Variants in GALNT10 observed in about 807,000 individuals in gnomAD.
GALNT10 encodes the protein GalNAc transferase 10.
GALNT10 carries 41 observed loss-of-function variants against 75.0 expected under a neutral mutation model. That is an observed-to-expected ratio of 0.55 (90% CI 0.43 to 0.71). GALNT10 has a LOEUF of 0.71. Among genes scored for constraint, GALNT10 ranks in the 30% least tolerant of loss-of-function variants. GALNT10 has a pLI of 0.00. For synonymous variants in GALNT10, 302 were observed against 313.0 expected (o/e 0.96, Z 0.37); for missense variants, 727 against 818.5 (o/e 0.89, Z 1.36).
chr5:154,295,061 G>A (rs1289485028), intron 2 of GALNT10, 143 bp downstream of exon 2: 7 of 483,820 alleles, frequency 1.4e-5, no homozygotes, highest in Non-Finnish European at 2.3e-5. Context: ...CTCCCTCCCT[G>A]TCAGCCACCA....
chr5:154,210,262 CCTT>C (rs1340709301), intron 1 of GALNT10, among the ~76,000 whole-genome samples: 5 of 152,312 alleles, frequency 3.3e-5, no homozygotes, highest in Admixed American at 2.6e-4. Context: ...AGCCATGTGT[CCTT>C]CTGCAACAGA....
At chr5:154,370,234 C>A (rs1314904978) in intron 4 of GALNT10, among the ~76,000 whole-genome samples, 2 of 152,214 alleles carry the variant, frequency 1.3e-5, no homozygotes, top group Non-Finnish European at 2.9e-5. Context: ...TTCGCAGACG[C>A]CTCTGGCTTG....
At chr5:154,204,160 C>T (rs1251931776) in intron 1 of GALNT10, among the ~76,000 whole-genome samples, 1 of 152,174 alleles carries the variant, frequency 6.6e-6, no homozygotes. Flanking sequence ...GTCCCTGACT[C>T]AGCAGTGCTT....
intron 1 of GALNT10, among the ~76,000 whole-genome samples, chr5:154,242,951 T>C (rs1421129302): frequency 3.3e-5 from 5 of 152,230 alleles, no homozygotes; most frequent in African/African-American, 1.2e-4. Flanking sequence ...TCTGCAAAGC[T>C]TAAATTACTT....
At chr5:154,341,106 G>A (rs530511673) in intron 4 of GALNT10, among the ~76,000 whole-genome samples, 1 of 152,062 alleles carries the variant, frequency 6.6e-6, no homozygotes, top group African/African-American at 2.4e-5. Context: ...AAATAGACAC[G>A]TGTTAAGGCC....
intron 4 of GALNT10, among the ~76,000 whole-genome samples, chr5:154,373,922 G>A (rs1174026071): frequency 2.0e-5 from 3 of 152,270 alleles, no homozygotes; most frequent in Non-Finnish European, 2.9e-5. Flanking sequence ...GATTAGAGCC[G>A]GCCAGGGTGA....
intron 7 of GALNT10, among the ~76,000 whole-genome samples, chr5:154,396,112 G>A (rs744938): frequency 0.2 from 29,783 of 152,118 alleles, 4,718 homozygotes; most frequent in African/African-American, 0.44. Flanking sequence ...TCAAGGCTCT[G>A]TATCTTTGGT....
At chr5:154,408,534 C>T (rs557031756) in intron 8 of GALNT10, among the ~76,000 whole-genome samples, 12 of 152,140 alleles carry the variant, frequency 7.9e-5, no homozygotes, top group Middle Eastern at 3.4e-3. Flanking sequence ...CAGATGGAAT[C>T]AGGAATTTTC....
intron 1 of GALNT10, among the ~76,000 whole-genome samples, chr5:154,199,268 A>G (rs968887441): frequency 2.6e-5 from 4 of 152,250 alleles, no homozygotes; most frequent in Non-Finnish European, 4.4e-5. Context: ...AGGATCACAT[A>G]TTTAACAAAT....
intron 7 of GALNT10, chr5:154,387,282 G>A (rs1443080841): frequency 6.6e-6 from 1 of 152,200 alleles, no homozygotes; most frequent in Non-Finnish European, 1.5e-5. Context: ...TTATTTGTGG[G>A]AGTCTGTCTT....
intron 4 of GALNT10, among the ~76,000 whole-genome samples, chr5:154,334,414 T>C (rs1754911529): frequency 6.6e-6 from 1 of 152,236 alleles, no homozygotes; most frequent in Non-Finnish European, 1.5e-5. Flanking sequence ...GAGGTGTTTT[T>C]GCACATGTGG....
chr5:154,232,547 A>T (rs538161357), intron 1 of GALNT10, among the ~76,000 whole-genome samples: 1 of 152,222 alleles, frequency 6.6e-6, no homozygotes, highest in Non-Finnish European at 1.5e-5. Context: ...GCTATGAAGG[A>T]AACAAATAGG....
At chr5:154,264,275 T>C (rs1294791565) in intron 1 of GALNT10, among the ~76,000 whole-genome samples, 1 of 136,944 alleles carries the variant, frequency 7.3e-6, no homozygotes, top group African/African-American at 2.9e-5. Flanking sequence ...ATCATGCCAC[T>C]GCACTCCAGC....
At chr5:154,369,898 G>A (rs528040702) in intron 4 of GALNT10, among the ~76,000 whole-genome samples, 1 of 152,296 alleles carries the variant, frequency 6.6e-6, no homozygotes, top group South Asian at 2.1e-4. Context: ...GCTCCATGGG[G>A]TGCTCTCCCA....
chr5:154,327,820 C>T (rs1266270700), intron 3 of GALNT10, among the ~76,000 whole-genome samples: 1 of 152,120 alleles, frequency 6.6e-6, no homozygotes, highest in Non-Finnish European at 1.5e-5. Context: ...AATATTTAGG[C>T]ATCGATTATC....
At chr5:154,235,283 G>C (rs1007948741) in intron 1 of GALNT10, among the ~76,000 whole-genome samples, 3 of 152,186 alleles carry the variant, frequency 2.0e-5, no homozygotes, top group African/African-American at 7.2e-5. Context: ...CTTGGTCTCA[G>C]TGAGCCTGTA....
chr5:154,305,881 G>C (rs960858563), intron 3 of GALNT10, among the ~76,000 whole-genome samples: 1 of 152,098 alleles, frequency 6.6e-6, no homozygotes, highest in Non-Finnish European at 1.5e-5. Context: ...AGCCAGGCAT[G>C]GTGGCACGTG....
At chr5:154,394,329 A>C (rs1340020416) in intron 7 of GALNT10, among the ~76,000 whole-genome samples, 2 of 140,250 alleles carry the variant, frequency 1.4e-5, no homozygotes, top group East Asian at 4.3e-4. Context: ...AAAAAAAAAA[A>C]AAAAAAAACT....
At chr5:154,210,385 TAC>T (rs35928766) in intron 1 of GALNT10, among the ~76,000 whole-genome samples, 71,731 of 148,620 alleles carry the variant, frequency 0.48, 17,974 homozygotes, top group African/African-American at 0.63. Context: ...CACACATGCA[TAC>T]ACACACACAC....
Sources: gnomAD v4.1 joint callset for allele counts (sites outside exome capture counted in the v4.1 genomes callset) on GRCh38, gnomAD v4.1.1 for gene constraint, MANE v1.5 for transcripts, NCBI Gene and HGNC (gene_info 2026-07-23, HGNC 2026-07-21) for gene names.